The following DAW1 variants were observed in gnomAD, a reference collection of about 807,000 sequenced individuals.
DAW1 encodes the protein dynein assembly factor with WD repeats 1, also known as dynein assembly factor with WD repeat domains 1.
A neutral mutation model predicts 56.5 loss-of-function variants in DAW1; 47 were observed. That is an observed-to-expected ratio of 0.83 (90% confidence interval 0.66 to 1.06). The LOEUF is 1.06. Ranked by LOEUF, DAW1 falls within the 50% of genes least tolerant of loss-of-function variation. The probability of loss-of-function intolerance (pLI) is 0.00; values close to 1 mark genes in which losing one functional copy is unlikely to be tolerated. For missense variants in DAW1, 505 were observed against 499.3 expected, an observed-to-expected ratio of 1.01 and a Z score of -0.11; for synonymous variants, 190 against 179.0, an observed-to-expected ratio of 1.06 and a Z score of -0.49.
chr2:227,919,204 A>G (rs949296809), intron 11 of DAW1, among the ~76,000 whole-genome samples: 7 of 61,970 alleles, frequency 1.1e-4, no homozygotes, highest in Non-Finnish European at 2.3e-4. Flanking sequence ...TAGAAAAAAA[A>G]AAAAGAAAAA....
At chr2:227,884,583 C>T (rs1286474118) in intron 1 of DAW1, among the ~76,000 whole-genome samples, 1 of 152,158 alleles carries the variant, frequency 6.6e-6, no homozygotes, top group African/African-American at 2.4e-5. Context: ...GGCTCCTGCT[C>T]AGTCACTGCT....
At chr2:227,922,810 C>T (rs1424516722) in intron 12 of DAW1, among the ~76,000 whole-genome samples, 1 of 152,166 alleles carries the variant, frequency 6.6e-6, no homozygotes, top group Non-Finnish European at 1.5e-5. Flanking sequence ...ACTTTGAAAG[C>T]ACTGGGAAAA....
At chr2:227,873,121 G>T (rs545222988) in intron 1 of DAW1, among the ~76,000 whole-genome samples, 1 of 152,052 alleles carries the variant, frequency 6.6e-6, no homozygotes, top group African/African-American at 2.4e-5. Context: ...TCACTCATTC[G>T]TTTTTTGGAC....
chr2:227,875,939 G>A (rs947379571), intron 1 of DAW1, among the ~76,000 whole-genome samples: 2 of 152,056 alleles, frequency 1.3e-5, no homozygotes, highest in Admixed American at 1.3e-4. Context: ...TAAGCAGAAT[G>A]CCTCAAACTC....
chr2:227,902,704 G>A (rs1691574976), intron 6 of DAW1, among the ~76,000 whole-genome samples: 1 of 152,088 alleles, frequency 6.6e-6, no homozygotes, highest in South Asian at 2.1e-4. Context: ...CATATAGCAC[G>A]GATCTTAAAG....
Position 227,907,142 on chromosome 2 carries a change from G to T in DAW1, c.863G>T (p.Trp288Leu). ...TGSMDKTCKL[W>L]DATNGKCVAT... ...TTTTTGTTCTTTTAATTGTAGCTGTGGGATGCTACAAATGGAAAATGTGTG... is the reference window on the plus strand; with the variant it reads ...TTTTTGTTCTTTTAATTGTAGCTGTTGGATGCTACAAATGGAAAATGTGTG... Residue 288 changes from tryptophan to leucine, a missense_variant, in exon 10 of 13, where the codon TGG (tryptophan) becomes TTG (leucine). By Grantham distance (61) the Trp-to-Leu change is moderately conservative (BLOSUM62 -2). Coordinates refer to ENST00000309931, the MANE Select transcript of DAW1 (RefSeq NM_178821.3). 1 of 1,600,124 alleles carries T rather than the reference G, an allele frequency of 6.2e-7. No individual in the cohort carries two copies. The highest frequency in any genetic ancestry group is 8.5e-7 in the Non-Finnish European group (1 of 1,171,562).
At chr2:227,875,505 T>C (rs988849753) in intron 1 of DAW1, among the ~76,000 whole-genome samples, 4 of 152,178 alleles carry the variant, frequency 2.6e-5, no homozygotes, top group Non-Finnish European at 5.9e-5. Flanking sequence ...CTCTCCTTGG[T>C]GTTCCTTGAA....
intron 6 of DAW1, among the ~76,000 whole-genome samples, 197 bp downstream of exon 6, chr2:227,898,478 G>A (rs1691464803): frequency 6.6e-6 from 1 of 151,896 alleles, no homozygotes; most frequent in South Asian, 2.1e-4. Flanking sequence ...CCGCCACCAC[G>A]CCCCGCTAAT....
chr2:227,922,102 A>G (rs1440685714), intron 12 of DAW1, among the ~76,000 whole-genome samples: 1 of 152,212 alleles, frequency 6.6e-6, no homozygotes, highest in Non-Finnish European at 1.5e-5. Flanking sequence ...TCAGTGAGCT[A>G]TGATCAGGCC....
Position 227,913,928 on chromosome 2 carries a change from TTCA to T in DAW1, c.974-4831_974-4829del, listed in dbSNP as rs146455954. ...CTGTCTGTCTGTCTGTCTATCTATC[TTCA>T]TCATCATCATCATCATCATCTATCT... On this transcript the variant is annotated intron_variant, in intron 10 of 12. Coordinates refer to ENST00000309931, the MANE Select transcript of DAW1 (RefSeq NM_178821.3). 6.6e-3 allele frequency among the ~76,000 whole-genome samples: 969 copies of T among 147,592 alleles called. 6 individuals are homozygous for T. The highest frequency in any genetic ancestry group is 9.7e-3 in the African/African-American group (385 of 39,568).
At chr2:227,906,150 T>G in intron 8 of DAW1, 86 bp from the exon 9 acceptor site, 1 of 1,027,602 alleles carries the variant, frequency 9.7e-7, no homozygotes, top group Non-Finnish European at 1.4e-6. Flanking sequence ...TAGATTAGCT[T>G]ACACAGATGG....
intron 1 of DAW1, chr2:227,876,439 C>G (rs1185166086): frequency 1.5e-6 from 2 of 1,302,524 alleles, no homozygotes; most frequent in African/African-American, 1.5e-5. Context: ...TTTCTGAATT[C>G]CAGTCTTTGG....
intron 1 of DAW1, among the ~76,000 whole-genome samples, chr2:227,882,815 CCTG>C (rs1691040979): frequency 1.3e-5 from 2 of 152,152 alleles, no homozygotes; most frequent in African/African-American, 4.8e-5. Context: ...GGTAGTTCCT[CCTG>C]CATTCATTCT....
At chr2:227,875,766 A>T (rs925775191) in intron 1 of DAW1, among the ~76,000 whole-genome samples, 2 of 152,020 alleles carry the variant, frequency 1.3e-5, no homozygotes, top group Non-Finnish European at 2.9e-5. Flanking sequence ...TGTTTCACTC[A>T]TTTATTTTGC....
chr2:227,873,805 C>T (rs1286908838), intron 1 of DAW1, among the ~76,000 whole-genome samples: 1 of 152,150 alleles, frequency 6.6e-6, no homozygotes, highest in Non-Finnish European at 1.5e-5. Flanking sequence ...CTTAGCCTCC[C>T]AGGTAGCTGG....
intron 1 of DAW1, among the ~76,000 whole-genome samples, chr2:227,884,584 A>C (rs774674179): frequency 1.3e-5 from 2 of 152,132 alleles, no homozygotes; most frequent in African/African-American, 2.4e-5. Flanking sequence ...GCTCCTGCTC[A>C]GTCACTGCTG....
intron 1 of DAW1, among the ~76,000 whole-genome samples, chr2:227,874,991 A>AAC (rs1690846574): frequency 3.1e-5 from 4 of 128,996 alleles, no homozygotes; most frequent in Admixed American, 2.9e-4. Flanking sequence ...AACAAACAGA[A>AAC]AAACAAAAAA....
intron 10 of DAW1, 74 bp downstream of exon 10, chr2:227,907,326 C>T (rs1170477387): frequency 4.2e-6 from 5 of 1,204,236 alleles, no homozygotes; most frequent in African/African-American, 3.1e-5. Flanking sequence ...TAATTCTACA[C>T]TATGGGTCAT....
At chr2:227,899,905 T>A (rs1325218664) in intron 6 of DAW1, among the ~76,000 whole-genome samples, 3 of 152,206 alleles carry the variant, frequency 2.0e-5, no homozygotes, top group Non-Finnish European at 4.4e-5. Flanking sequence ...GTATTCTGCT[T>A]ATTTATGTAC....
Sources: gnomAD v4.1 joint callset for allele counts (sites outside exome capture counted in the v4.1 genomes callset) on GRCh38, gnomAD v4.1.1 for gene constraint, MANE v1.5 for transcripts, NCBI Gene and HGNC (gene_info 2026-07-23, HGNC 2026-07-21) for gene names.